Variants in COG5 observed in about 807,000 individuals in gnomAD.
COG5 encodes the protein component of oligomeric golgi complex 5, also known as conserved oligomeric Golgi complex subunit 5.
A neutral mutation model predicts 110.4 loss-of-function variants in COG5; 86 were observed. The ratio of observed to expected loss-of-function variants is 0.78; its 90% CI spans 0.65 to 0.93. COG5 has a LOEUF of 0.93. Ranked by LOEUF, COG5 falls within the 40% of genes least tolerant of loss-of-function variation. COG5 has a pLI of 0.00. For synonymous variants in COG5, 360 were observed against 334.6 expected (o/e 1.08, Z -0.83); for missense variants, 1,077 against 987.0 (o/e 1.09, Z -1.22).
chr7:107,550,622 C>T (rs996576882), intron 3 of COG5, among the ~76,000 whole-genome samples: 2 of 152,092 alleles, frequency 1.3e-5, no homozygotes, highest in Non-Finnish European at 2.9e-5. Flanking sequence ...TTGGCTCAAA[C>T]GTCATCTTCT....
chr7:107,355,839 G>A (rs185557004), intron 10 of COG5, among the ~76,000 whole-genome samples: 2 of 152,218 alleles, frequency 1.3e-5, no homozygotes, highest in African/African-American at 4.8e-5. Flanking sequence ...ACCATTCTGT[G>A]TGATACTGGA....
At chr7:107,399,649 T>C (rs1791282764) in intron 7 of COG5, among the ~76,000 whole-genome samples, 1 of 152,186 alleles carries the variant, frequency 6.6e-6, no homozygotes, top group African/African-American at 2.4e-5. Context: ...CAGTCGTGGG[T>C]ACGTCTTTAT....
intron 19 of COG5, among the ~76,000 whole-genome samples, chr7:107,225,256 AC>A (rs1800248834): frequency 6.6e-6 from 1 of 151,858 alleles, no homozygotes; most frequent in South Asian, 2.1e-4. Context: ...TTGTCAACTC[AC>A]GCCTGCTCTT....
At chr7:107,342,794 T>C (rs868478582) in intron 10 of COG5, among the ~76,000 whole-genome samples, 6 of 152,218 alleles carry the variant, frequency 3.9e-5, no homozygotes, top group Non-Finnish European at 4.4e-5. Flanking sequence ...TCAGCCATTA[T>C]GGAGAGCAAT....
chr7:107,214,932 AAAG>A (rs1228347290), intron 19 of COG5, among the ~76,000 whole-genome samples: 3 of 152,032 alleles, frequency 2.0e-5, no homozygotes, highest in Non-Finnish European at 4.4e-5. Flanking sequence ...AAAAAAAAAA[AAAG>A]AAAAAAGAAA....
intron 13 of COG5, among the ~76,000 whole-genome samples, chr7:107,283,145 C>A (rs1195933775): frequency 6.6e-6 from 1 of 152,158 alleles, no homozygotes; most frequent in East Asian, 1.9e-4. Flanking sequence ...AAATAGCGAA[C>A]ACAAGCTAAT....
chr7:107,485,191 C>T (rs1053138929), intron 6 of COG5, among the ~76,000 whole-genome samples: 9 of 152,164 alleles, frequency 5.9e-5, no homozygotes, highest in Non-Finnish European at 1.3e-4. Flanking sequence ...ACTAAAATCT[C>T]GAGAATGCCA....
At chr7:107,319,605 A>C (rs1360491084) in intron 11 of COG5, among the ~76,000 whole-genome samples, 3 of 152,228 alleles carry the variant, frequency 2.0e-5, no homozygotes, top group Non-Finnish European at 4.4e-5. Flanking sequence ...GTGTTTCACA[A>C]ATTTTACTCA....
At position 107,490,040 on chromosome 7, in the gene COG5, C is replaced by T. The variant is rs116485127; in HGVS notation, c.538+37197G>A. Among the ~76,000 whole-genome samples, 522 of 152,196 alleles carry T rather than the reference C, an allele frequency of 3.4e-3. 7 individuals carry two copies. Among genetic ancestry groups the T allele is most frequent in the African/African-American group, 0.012 (490 of 41,514 alleles). Reference sequence around the variant, plus strand: ...GAAATTTTATTTAAAAAACAACTAACAAACGCATTTTCAATTCAATTATAT... The same window carrying T: ...GAAATTTTATTTAAAAAACAACTAATAAACGCATTTTCAATTCAATTATAT... On this transcript the variant is annotated intron_variant, in intron 6 of 21. Transcript: ENST00000297135.
chr7:107,527,104 T>C (rs781468522), intron 6 of COG5, 133 bp downstream of exon 6: 6 of 698,352 alleles, frequency 8.6e-6, no homozygotes, highest in Admixed American at 2.9e-5. Context: ...GTTACAATAT[T>C]GTATACAGCC....
At chr7:107,291,410 TG>T (rs1392359699) in intron 12 of COG5, among the ~76,000 whole-genome samples, 1 of 152,208 alleles carries the variant, frequency 6.6e-6, no homozygotes, top group Non-Finnish European at 1.5e-5. Context: ...GTTGCAACTC[TG>T]GGTACTGGTC....
At position 107,375,542 on chromosome 7, in the gene COG5, C is replaced by G. The variant is rs577379830; in HGVS notation, c.670-2782G>C. Among the ~76,000 whole-genome samples the G allele has an allele frequency of 5.3e-5, 8 of 152,078 alleles. No individual in the cohort carries two copies. The East Asian group carries it at 1.5e-3, about 29-fold the overall frequency. ...CAAATGATCATTCCTTTAATTCTGG[C>G]TATTATTTTGAGTGAGTACTATGAT... On this transcript the variant is annotated intron_variant, in intron 7 of 21. Coordinates refer to ENST00000297135, the MANE Select transcript of COG5 (RefSeq NM_006348.5).
intron 6 of COG5, among the ~76,000 whole-genome samples, chr7:107,498,678 G>T (rs987128985): frequency 1.3e-5 from 2 of 151,964 alleles, no homozygotes; most frequent in Non-Finnish European, 2.9e-5. Flanking sequence ...AATTGGAATC[G>T]TTTTACACTG....
rs566247593 is a variant in COG5, at chr7:107,533,532, T to C, written c.418-6175A>G. Among the ~76,000 whole-genome samples, 15 of 151,536 alleles carry C rather than the reference T, an allele frequency of 9.9e-5. No homozygotes were observed. The South Asian group carries it at 1.2e-3, about 13-fold the overall frequency. Reference sequence around the variant, plus strand: ...TTCGTGAAGCATACACAAGTATCAATAGCCGAATAGATCAAGTGGAAGAAA... The same window carrying C: ...TTCGTGAAGCATACACAAGTATCAACAGCCGAATAGATCAAGTGGAAGAAA... On this transcript the variant is annotated intron_variant, in intron 5 of 21. Transcript: ENST00000297135.
At chr7:107,489,358 G>A (rs369882128) in intron 6 of COG5, among the ~76,000 whole-genome samples, 10 of 152,150 alleles carry the variant, frequency 6.6e-5, no homozygotes, top group East Asian at 5.8e-4. Flanking sequence ...AATGCAGGCC[G>A]CATCAATGGA....
chr7:107,411,583 G>C (rs976204558), intron 7 of COG5, among the ~76,000 whole-genome samples: 1 of 151,880 alleles, frequency 6.6e-6, no homozygotes, highest in Non-Finnish European at 1.5e-5. Flanking sequence ...TCACACTGTG[G>C]TATTCATTCT....
chr7:107,297,156 C>A (rs991972726), intron 12 of COG5, among the ~76,000 whole-genome samples: 3 of 152,100 alleles, frequency 2.0e-5, no homozygotes, highest in African/African-American at 7.2e-5. Context: ...TCTGCAAATT[C>A]TACATCCAAG....
chr7:107,549,267 C>G (rs1464576800), intron 3 of COG5: 1 of 152,254 alleles, frequency 6.6e-6, no homozygotes, highest in Non-Finnish European at 1.5e-5. Context: ...TCCACCAAAA[C>G]AGATGTTACC....
At chr7:107,298,435 C>A (rs1329979955) in intron 11 of COG5, 89 bp from the exon 12 acceptor site, 6 of 1,063,524 alleles carry the variant, frequency 5.6e-6, no homozygotes, top group Non-Finnish European at 8.4e-6. Context: ...CCAAATAACC[C>A]ATACTATAGG....
Sources: gnomAD v4.1 joint callset for allele counts (sites outside exome capture counted in the v4.1 genomes callset) on GRCh38, gnomAD v4.1.1 for gene constraint, MANE v1.5 for transcripts, NCBI Gene and HGNC (gene_info 2026-07-23, HGNC 2026-07-21) for gene names.